Variants in ATP7B observed in about 807,000 individuals in gnomAD.
ATP7B encodes the protein copper-transporting ATPase 2.
ATP7B carries 113 observed loss-of-function variants against 118.9 expected under a neutral mutation model. That is an observed-to-expected ratio of 0.95 (90% CI 0.82 to 1.11). The LOEUF is 1.11. Among genes scored for constraint, ATP7B ranks in the 50% most tolerant of loss-of-function variants. The probability of loss-of-function intolerance (pLI) is 0.00; values close to 1 mark genes in which losing one functional copy is unlikely to be tolerated. For synonymous variants in ATP7B, 777 were observed against 727.4 expected (o/e 1.07, Z -1.10); for missense variants, 1,867 against 1,871.4 (o/e 1.00, Z 0.04).
intron 1 of ATP7B, 63 bp downstream of exon 1, chr13:52,011,224 G>T (rs761339916): frequency 1.2e-6 from 2 of 1,611,550 alleles, no homozygotes; most frequent in Non-Finnish European, 1.7e-6. Flanking sequence ...CGCCGAACGC[G>T]GGGAGGAAAA....
chr13:51,947,160 T>C (rs1957718242), intron 12 of ATP7B, among the ~76,000 whole-genome samples: 1 of 152,192 alleles, frequency 6.6e-6, no homozygotes, highest in Non-Finnish European at 1.5e-5. Context: ...TATGGAAAGG[T>C]ACCAGCAGCA....
chr13:51,987,639 A>C (rs1207304796), intron 1 of ATP7B, among the ~76,000 whole-genome samples: 1 of 152,248 alleles, frequency 6.6e-6, no homozygotes, highest in Non-Finnish European at 1.5e-5. Context: ...AGCCGGAGGC[A>C]TCACACTACC....
In ATP7B at chr13:51,950,148, T is replaced by G. The variant is rs1235491843; in HGVS notation, c.2589A>C (p.Pro863=). 3.1e-6 allele frequency: 5 copies of G among 1,614,222 alleles called. No individual in the cohort carries two copies. Among genetic ancestry groups the G allele is most frequent in the Non-Finnish European group, 4.2e-6 (5 of 1,180,032 alleles). Residue 863 remains proline (P), a synonymous_variant, in exon 11 of 21, where the codon CCA becomes CCC. Coordinates refer to ENST00000242839, the MANE Select transcript of ATP7B (RefSeq NM_000053.4). Reference sequence around the variant, plus strand: ...CAGTGCTTCCGGGTTTCTTAGTGACTGGCATGGCTTCTCCTAGACGTAGGA... The same window carrying G: ...CAGTGCTTCCGGGTTTCTTAGTGACGGGCATGGCTTCTCCTAGACGTAGGA... The part of the protein sequence containing the change: ...DESLITGEAM[P]VTKKPGSTVI...
In ATP7B at chr13:51,956,126, GTCC is replaced by G. The variant is rs144751287; in HGVS notation, c.2447+1387_2447+1389del. 5.5e-3 allele frequency among the ~76,000 whole-genome samples: 841 copies of G among 152,356 alleles called. 5 individuals carry two copies. The highest frequency in any genetic ancestry group is 0.019 in the African/African-American group (803 of 41,578). ...AGAAGGACTCAAATCTCAGTTGCCA[GTCC>G]TACAATTGTGATGATCATTTAAAAG... On this transcript the variant is annotated intron_variant, in intron 9 of 20. Transcript: ENST00000242839.
intron 1 of ATP7B, among the ~76,000 whole-genome samples, chr13:51,984,756 A>G (rs1164694666): frequency 6.6e-6 from 1 of 152,256 alleles, no homozygotes; most frequent in Non-Finnish European, 1.5e-5. Flanking sequence ...AATAGGGGCC[A>G]ATATTCGACA....
At chr13:51,969,944 G>A (rs75881677) in intron 3 of ATP7B, among the ~76,000 whole-genome samples, 5,027 of 152,214 alleles carry the variant, frequency 0.033, 298 homozygotes, top group African/African-American at 0.12. Flanking sequence ...GTAGAGTCAT[G>A]GTTAAGAGAT....
chr13:51,976,051 C>T lies in ATP7B; in HGVS notation c.52-883G>A, dbSNP rs1303585771. On this transcript the variant is annotated intron_variant, in intron 1 of 20. Transcript: ENST00000242839. ...TACAAGTGTTATTCCCTGGTTTCTA[C>T]ACAGGATGATGTAGTCTCAGTCATT... 2.6e-5 allele frequency among the ~76,000 whole-genome samples: 4 copies of T among 152,340 alleles called. 1 individual carries two copies. In the South Asian group the frequency reaches 8.3e-4, roughly 32 times the overall value.
intron 1 of ATP7B, among the ~76,000 whole-genome samples, chr13:51,997,958 G>C (rs1281719480): frequency 6.6e-6 from 1 of 152,150 alleles, no homozygotes; most frequent in Non-Finnish European, 1.5e-5. Flanking sequence ...GAGACGTGTG[G>C]AACAGCCAAG....
intron 1 of ATP7B, among the ~76,000 whole-genome samples, chr13:51,997,302 A>G (rs1252225099): frequency 6.6e-6 from 1 of 152,082 alleles, no homozygotes; most frequent in African/African-American, 2.4e-5. Flanking sequence ...AGTGACATCT[A>G]TTTTTCCGCT....
In ATP7B at chr13:51,965,049, G is replaced by T. The variant is rs761911423; in HGVS notation, c.1708-16C>A. On this transcript the variant is annotated splice_polypyrimidine_tract_variant and intron_variant, in intron 4 of 20. Coordinates refer to ENST00000242839, the MANE Select transcript of ATP7B (RefSeq NM_000053.4). ...TCCCTGTGATCTGCAACACAGGATG[G>T]CAAGAATCCCACAGACCCAGGATCA... 6 of 1,613,742 alleles carry T rather than the reference G, an allele frequency of 3.7e-6. No individual in the cohort carries two copies. The highest frequency in any genetic ancestry group is 4.2e-6 in the Non-Finnish European group (5 of 1,179,998).
chr13:51,937,424 G>T (rs200500768), intron 18 of ATP7B, 31 bp from the exon 19 acceptor site: 16 of 1,613,976 alleles, frequency 9.9e-6, no homozygotes, highest in Admixed American at 1.7e-5. Context: ...GTGAGGAAGG[G>T]GTCTGCCCAT....
chr13:51,990,773 C>A (rs1319170359), intron 1 of ATP7B, among the ~76,000 whole-genome samples: 1 of 152,232 alleles, frequency 6.6e-6, no homozygotes, highest in Non-Finnish European at 1.5e-5. Context: ...GCCAAGTCAT[C>A]CTGATTTCAA....
intron 1 of ATP7B, among the ~76,000 whole-genome samples, chr13:52,003,271 A>C (rs1372550597): frequency 6.6e-6 from 1 of 152,200 alleles, no homozygotes; most frequent in Non-Finnish European, 1.5e-5. Context: ...TCACTTGAAC[A>C]CTTAGAATCC....
intron 17 of ATP7B, 119 bp downstream of exon 17, chr13:51,938,932 A>C: frequency 6.7e-7 from 1 of 1,503,614 alleles, no homozygotes. Flanking sequence ...TGGAGAGAAA[A>C]GCATCCAGCA....
chr13:51,950,539 T>C (rs1017795977), intron 9 of ATP7B, 140 bp from the exon 10 acceptor site: 1 of 1,312,680 alleles, frequency 7.6e-7, no homozygotes, highest in Admixed American at 1.9e-5. Context: ...TTTACAGATA[T>C]TTATCGTGCA....
chr13:51,946,775 G>C lies in ATP7B; in HGVS notation c.2866-297C>G, dbSNP rs185290849. Among the ~76,000 whole-genome samples, 11 of 152,330 alleles carry C rather than the reference G, an allele frequency of 7.2e-5. 1 individual carries two copies. Among genetic ancestry groups the C allele is most frequent in the Admixed American group, 7.2e-4 (11 of 15,310 alleles). ...TCTGGAGATGGACCACACAGATCCAGATCCTGGTTTCCTCATACACAAAAT... is the reference window on the plus strand; with the variant it reads ...TCTGGAGATGGACCACACAGATCCACATCCTGGTTTCCTCATACACAAAAT... On this transcript the variant is annotated intron_variant, in intron 12 of 20. Transcript: ENST00000242839.
In ATP7B at chr13:51,970,370, A is replaced by C. The variant is rs1011618724; in HGVS notation, c.1543+122T>G. On this transcript the variant is annotated intron_variant, in intron 3 of 20. Transcript: ENST00000242839. ...GACATTAGACAAACATTTATGCTAT[A>C]TAATGAACTTGCTACCTGGTTATCA... 19 of 1,369,510 alleles carry C rather than the reference A, an allele frequency of 1.4e-5. No homozygotes were observed. In the East Asian group the frequency reaches 4.4e-4, roughly 31 times the overall value. The allele number at this position is 1,369,510 out of a possible 1,614,324, so 84.8% of individuals were successfully genotyped here.
At chr13:51,995,838 G>A (rs1953179211) in intron 1 of ATP7B, among the ~76,000 whole-genome samples, 2 of 152,136 alleles carry the variant, frequency 1.3e-5, no homozygotes, top group East Asian at 3.9e-4. Context: ...GTGCAGCACT[G>A]CAGATCTTTG....
rs767312670 is a variant in ATP7B at position 51,970,575 on chromosome 13, G to T, written c.1460C>A (p.Pro487Gln). The stretch of plus-strand genomic sequence containing the variant: ...TTTGATCTGTAAGAAGCACTTCTGC[G>T]GTGCCACTGCTCTGGTTGATTGTGG... ...KSPQSTRAVA[P>Q]QKCFLQIKGM... Residue 487 changes from proline to glutamine, a missense_variant, in exon 3 of 21, where the codon CCG (proline) becomes CAG (glutamine). Pro to Gln is a moderately conservative substitution (Grantham distance 76, BLOSUM62 -1). Transcript: ENST00000242839. The T allele has an allele frequency of 6.2e-7, 1 of 1,614,084 alleles. No individual in the cohort carries two copies.
Sources: gnomAD v4.1 joint callset for allele counts (sites outside exome capture counted in the v4.1 genomes callset) on GRCh38, gnomAD v4.1.1 for gene constraint, MANE v1.5 for transcripts, NCBI Gene and HGNC (gene_info 2026-07-23, HGNC 2026-07-21) for gene names.